Variants in GUCY2F observed in about 807,000 individuals in gnomAD.
GUCY2F encodes the protein retinal guanylyl cyclase 2.
Under a neutral mutation model 73.1 loss-of-function variants are expected in GUCY2F, and 61 were observed. The observed-to-expected ratio is 0.83, with a 90% CI of 0.68 to 1.03. The LOEUF (loss-of-function observed/expected upper bound fraction) is 1.03, where lower values mean the gene tolerates loss of function less well. Ranked by LOEUF, GUCY2F falls within the 50% of genes least tolerant of loss-of-function variation. The pLI, the probability that GUCY2F is intolerant of heterozygous loss-of-function variation, is 0.00. For missense variants in GUCY2F, 912 were observed against 854.3 expected (o/e 1.07, Z -0.84); for synonymous variants, 331 against 307.8 (o/e 1.08, Z -0.79).
intron 7 of GUCY2F, among the ~76,000 whole-genome samples, chrX:109,434,075 A>T (rs1034283907): frequency 1.8e-5 from 2 of 111,113 alleles, no homozygotes; most frequent in Admixed American, 1.9e-4. Flanking sequence ...AGAAAAAATG[A>T]TCTGAGAAAG....
At chrX:109,410,444 G>A (rs1379485776) in intron 8 of GUCY2F, among the ~76,000 whole-genome samples, 1 of 112,229 alleles carries the variant, frequency 8.9e-6, no homozygotes, top group Non-Finnish European at 1.9e-5. Context: ...TCAGGCCAGA[G>A]CTTATACAAT....
At chrX:109,436,246 C>T (rs1466143932) in intron 7 of GUCY2F, among the ~76,000 whole-genome samples, 2 of 111,835 alleles carry the variant, frequency 1.8e-5, no homozygotes, top group Non-Finnish European at 3.8e-5. Context: ...TATCATCTCA[C>T]ACCAGTTAGA....
intron 6 of GUCY2F, among the ~76,000 whole-genome samples, chrX:109,443,746 C>A (rs1931929877): frequency 8.9e-6 from 1 of 111,994 alleles, no homozygotes; most frequent in African/African-American, 3.2e-5. Flanking sequence ...GCTAAAACAT[C>A]TAGGCAATTG....
chrX:109,445,769 T>G (rs766348131), intron 6 of GUCY2F, among the ~76,000 whole-genome samples: 256 of 111,466 alleles, frequency 2.3e-3, no homozygotes, highest in Non-Finnish European at 3.9e-3. Context: ...GGAAGTTCTG[T>G]CCAGGGCAAT....
intron 7 of GUCY2F, among the ~76,000 whole-genome samples, chrX:109,440,329 T>C (rs1352340861): frequency 8.9e-6 from 1 of 111,858 alleles, no homozygotes; most frequent in African/African-American, 3.3e-5. Flanking sequence ...ATTCCATTGA[T>C]GAGAGAGGAG....
chrX:109,428,116 C>T (rs770979545), intron 8 of GUCY2F, among the ~76,000 whole-genome samples: 8 of 112,046 alleles, frequency 7.1e-5, no homozygotes, highest in Non-Finnish European at 1.1e-4. Context: ...TGATGGAATA[C>T]GACATTTATC....
At chrX:109,394,087 C>G (rs932790933) in intron 12 of GUCY2F, among the ~76,000 whole-genome samples, 14 of 111,423 alleles carry the variant, frequency 1.3e-4, no homozygotes, top group African/African-American at 4.6e-4. Context: ...ACCTCCCTCT[C>G]CTCCTCCTCC....
intron 7 of GUCY2F, among the ~76,000 whole-genome samples, chrX:109,435,260 C>T (rs1931712345): frequency 9.1e-6 from 1 of 110,090 alleles, no homozygotes; most frequent in Non-Finnish European, 1.9e-5. Context: ...TATCCATGAG[C>T]ATGGAATGTT....
intron 7 of GUCY2F, among the ~76,000 whole-genome samples, chrX:109,435,038 G>C (rs374330203): frequency 9.1e-6 from 1 of 109,518 alleles, no homozygotes; most frequent in Non-Finnish European, 1.9e-5. Context: ...AGCCTTGTAG[G>C]ATAGTTTGAA....
At chrX:109,454,859 C>T (rs1278401880) in intron 3 of GUCY2F, among the ~76,000 whole-genome samples, 1 of 111,036 alleles carries the variant, frequency 9.0e-6, no homozygotes, top group Non-Finnish European at 1.9e-5. Context: ...AAGCTATGGT[C>T]ATGCCATTTT....
At chrX:109,399,529 G>T (rs1335214051) in intron 10 of GUCY2F, among the ~76,000 whole-genome samples, 1 of 112,094 alleles carries the variant, frequency 8.9e-6, no homozygotes, top group African/African-American at 3.3e-5. Flanking sequence ...TTCTTGGGTG[G>T]GGGGCACTGT....
At chrX:109,390,196 A>G (rs1294171695) in intron 14 of GUCY2F, among the ~76,000 whole-genome samples, 5 of 111,435 alleles carry the variant, frequency 4.5e-5, no homozygotes, top group African/African-American at 1.6e-4. Flanking sequence ...CTTGGTGTAC[A>G]GACTGCTGTG....
At chrX:109,439,983 C>A (rs963890096) in intron 7 of GUCY2F, among the ~76,000 whole-genome samples, 1 of 112,160 alleles carries the variant, frequency 8.9e-6, no homozygotes, top group Non-Finnish European at 1.9e-5. Context: ...AAAAGTGTTC[C>A]AGCCTCTCCC....
At chrX:109,436,319 A>G (rs1231080138) in intron 7 of GUCY2F, among the ~76,000 whole-genome samples, 1 of 110,794 alleles carries the variant, frequency 9.0e-6, no homozygotes, top group Non-Finnish European at 1.9e-5. Context: ...AAATAGGAAC[A>G]CTTTTACACT....
intron 8 of GUCY2F, among the ~76,000 whole-genome samples, chrX:109,412,832 G>A (rs191618687): frequency 9.0e-6 from 1 of 111,458 alleles, no homozygotes; most frequent in Admixed American, 9.6e-5. Flanking sequence ...TCTAGGCTAA[G>A]GCTTTTATAC....
intron 8 of GUCY2F, among the ~76,000 whole-genome samples, chrX:109,419,779 A>T (rs746552619): frequency 9.1e-6 from 1 of 110,424 alleles, no homozygotes; most frequent in Non-Finnish European, 1.9e-5. Context: ...TGCAATCCCC[A>T]TCAAAAATTA....
chrX:109,439,204 C>G (rs928893741), intron 7 of GUCY2F, among the ~76,000 whole-genome samples: 1 of 111,800 alleles, frequency 8.9e-6, no homozygotes, highest in African/African-American at 3.3e-5. Flanking sequence ...AGATTTGAGT[C>G]AGCCCCAGGC....
intron 2 of GUCY2F, 47 bp downstream of exon 2, chrX:109,475,160 T>C (rs778579249): frequency 8.7e-7 from 1 of 1,146,691 alleles, no homozygotes; most frequent in South Asian, 2.0e-5. Context: ...GATTGTAATC[T>C]CTTTCCCTGA....
chrX:109,447,781 T>A (rs1010021820), intron 6 of GUCY2F, among the ~76,000 whole-genome samples: 7 of 110,973 alleles, frequency 6.3e-5, no homozygotes, highest in Admixed American at 1.9e-4. Flanking sequence ...TAATAAAAAA[T>A]AAATAAATAA....
Sources: gnomAD v4.1 joint callset for allele counts (sites outside exome capture counted in the v4.1 genomes callset) on GRCh38, gnomAD v4.1.1 for gene constraint, MANE v1.5 for transcripts, NCBI Gene and HGNC (gene_info 2026-07-23, HGNC 2026-07-21) for gene names.